DMD: variants seen among roughly 807,000 people sequenced by gnomAD.
DMD encodes mutant dystrophin.
Under a neutral mutation model 330.1 loss-of-function variants are expected in DMD, and 63 were observed. The ratio of observed to expected loss-of-function variants is 0.19; its 90% CI spans 0.16 to 0.24. The LOEUF is 0.24. Ranked by LOEUF, DMD falls within the 10% of genes least tolerant of loss-of-function variation. The pLI is 1.00. For synonymous variants in DMD, 1,223 were observed against 959.8 expected, an observed-to-expected ratio of 1.27 and a Z score of -5.07; for missense variants, 3,344 against 2,684.1, an observed-to-expected ratio of 1.25 and a Z score of -5.43.
At chrX:31,586,116 C>T (rs1414994206) in intron 55 of DMD, among the ~76,000 whole-genome samples, 1 of 111,616 alleles carries the variant, frequency 9.0e-6, no homozygotes, top group Admixed American at 9.6e-5. Context: ...AGCTTTGATG[C>T]ATGTTCAAGT....
At chrX:31,229,677 T>A (rs2047009199) in intron 63 of DMD, among the ~76,000 whole-genome samples, 1 of 112,091 alleles carries the variant, frequency 8.9e-6, no homozygotes, top group Non-Finnish European at 1.9e-5. Context: ...GTGTTTGGCA[T>A]ACAATACGCA....
At chrX:31,770,626 C>T (rs758777514) in intron 51 of DMD, among the ~76,000 whole-genome samples, 1 of 111,772 alleles carries the variant, frequency 8.9e-6, no homozygotes, top group Admixed American at 9.5e-5. Context: ...CTGAAGAAAG[C>T]CCCAACAGCA....
At chrX:31,185,290 T>A (rs1054650482) in intron 67 of DMD, among the ~76,000 whole-genome samples, 1 of 110,946 alleles carries the variant, frequency 9.0e-6, no homozygotes, top group Non-Finnish European at 1.9e-5. Context: ...CTCTTCTCCA[T>A]TCCCTCTCCA....
chrX:33,156,499 C>T (rs186380070), intron 1 of DMD, among the ~76,000 whole-genome samples: 10 of 111,766 alleles, frequency 8.9e-5, no homozygotes, highest in African/African-American at 3.2e-4. Context: ...TATGTGCTAG[C>T]GTGGATGATG....
intron 44 of DMD, among the ~76,000 whole-genome samples, chrX:32,141,980 C>T (rs185868787): frequency 1.4e-3 from 157 of 111,541 alleles, no homozygotes; most frequent in Non-Finnish European, 3.2e-4. Flanking sequence ...CTGCTACACA[C>T]GGGGGATATG....
At chrX:32,545,814 A>C (rs1415029671) in intron 16 of DMD, among the ~76,000 whole-genome samples, 1 of 111,337 alleles carries the variant, frequency 9.0e-6, no homozygotes, top group Non-Finnish European at 1.9e-5. Flanking sequence ...TTTTAAATAA[A>C]ATTATTTCAA....
intron 45 of DMD, among the ~76,000 whole-genome samples, chrX:31,951,958 A>T (rs963047101): frequency 1.8e-5 from 2 of 110,705 alleles, no homozygotes; most frequent in Non-Finnish European, 3.8e-5. Context: ...TTTTTGAAGG[A>T]TAGTTTTGTT....
intron 29 of DMD, among the ~76,000 whole-genome samples, chrX:32,427,604 T>C (rs1037783116): frequency 9.6e-6 from 1 of 104,452 alleles, no homozygotes; most frequent in African/African-American, 3.7e-5. Context: ...TCCTGTTTCA[T>C]TTTTGTCTGA....
At chrX:32,777,545 G>A (rs67701770) in intron 7 of DMD, among the ~76,000 whole-genome samples, 9,111 of 109,934 alleles carry the variant, frequency 0.083, 960 homozygotes, top group African/African-American at 0.29. Flanking sequence ...CTTCAGATGG[G>A]GTGATTAGAA....
chrX:32,928,011 A>AAT (rs1569543161), intron 2 of DMD, among the ~76,000 whole-genome samples: 1 of 111,399 alleles, frequency 9.0e-6, no homozygotes, highest in East Asian at 2.8e-4. Context: ...GACTTTAGCA[A>AAT]ATATATATAA....
At chrX:32,297,015 A>G (rs2097499412) in intron 42 of DMD, among the ~76,000 whole-genome samples, 1 of 110,600 alleles carries the variant, frequency 9.0e-6, no homozygotes, top group African/African-American at 3.3e-5. Flanking sequence ...GGAAATTCCT[A>G]TTCACTCACT....
intron 45 of DMD, among the ~76,000 whole-genome samples, chrX:31,945,134 C>T (rs779159985): frequency 1.2e-4 from 13 of 111,468 alleles, no homozygotes; most frequent in Admixed American, 2.8e-4. Flanking sequence ...AAGTAGGGCA[C>T]CTTCAAATGA....
In DMD at chrX:32,863,654, G is replaced by A. The variant is rs866062756; in HGVS notation, c.94-13834C>T. On this transcript the variant is annotated intron_variant, in intron 2 of 78. Transcript: ENST00000357033. ...AGTACTCAGTTCCAGGGAAATTGCA[G>A]AGAAGAAAAGTGATATTTAGGCTTC... Among the ~76,000 whole-genome samples the A allele has an allele frequency of 8.2e-5, 9 of 109,793 alleles. No homozygotes were observed. The South Asian group carries it at 1.9e-3, about 24-fold the overall frequency.
chrX:32,266,177 G>A (rs1409085965), intron 43 of DMD, among the ~76,000 whole-genome samples: 1 of 111,430 alleles, frequency 9.0e-6, no homozygotes, highest in Non-Finnish European at 1.9e-5. Flanking sequence ...GTGATAGTGA[G>A]TTCTCATGAG....
At chrX:32,718,825 A>G (rs1293822090) in intron 7 of DMD, among the ~76,000 whole-genome samples, 3 of 112,314 alleles carry the variant, frequency 2.7e-5, no homozygotes, top group African/African-American at 9.7e-5. Context: ...TGCTCTTTAA[A>G]ATATATGGCA....
chrX:32,657,726 C>G (rs2060675579), intron 9 of DMD, among the ~76,000 whole-genome samples: 1 of 111,767 alleles, frequency 8.9e-6, no homozygotes. Flanking sequence ...TGTAAAAGTA[C>G]TAAATTTAAT....
At chrX:32,515,050 G>T (rs757832558) in intron 18 of DMD, among the ~76,000 whole-genome samples, 1 of 112,289 alleles carries the variant, frequency 8.9e-6, no homozygotes, top group South Asian at 3.7e-4. Flanking sequence ...CTTTGGAATT[G>T]TCTCTGTTAG....
intron 52 of DMD, among the ~76,000 whole-genome samples, chrX:31,709,559 T>G (rs1272048923): frequency 2.3e-5 from 2 of 85,747 alleles, no homozygotes; most frequent in Non-Finnish European, 4.4e-5. Context: ...TGTACAGCTC[T>G]CTCTCTCTCT....
intron 7 of DMD, among the ~76,000 whole-genome samples, chrX:32,700,771 T>C (rs755325979): frequency 1.4e-3 from 159 of 111,456 alleles, no homozygotes; most frequent in African/African-American, 4.9e-3. Flanking sequence ...TGTATTTTCC[T>C]TGCCATACAA....
Sources: allele counts gnomAD v4.1 joint callset (sites outside exome capture counted in the v4.1 genomes callset), GRCh38; gene constraint gnomAD v4.1.1; transcripts MANE v1.5; gene names NCBI Gene and HGNC (gene_info 2026-07-23, HGNC 2026-07-21).